Variants in TRAPPC9 observed in about 807,000 individuals in gnomAD.
TRAPPC9 encodes IKK2 binding protein.
TRAPPC9 carries 83 observed loss-of-function variants against 124.0 expected under a neutral mutation model. The ratio of observed to expected loss-of-function variants is 0.67; its 90% CI spans 0.56 to 0.80. TRAPPC9 has a LOEUF of 0.80. Among genes scored for constraint, TRAPPC9 ranks in the 30% least tolerant of loss-of-function variants. The pLI, the probability that TRAPPC9 is intolerant of heterozygous loss-of-function variation, is 0.00. For missense variants in TRAPPC9, 1,302 were observed against 1,508.3 expected, an observed-to-expected ratio of 0.86 and a Z score of 2.27; for synonymous variants, 638 against 617.5, an observed-to-expected ratio of 1.03 and a Z score of -0.49.
At chr8:140,019,911 T>C (rs1320506816) in intron 18 of TRAPPC9, among the ~76,000 whole-genome samples, 1 of 152,178 alleles carries the variant, frequency 6.6e-6, no homozygotes, top group Non-Finnish European at 1.5e-5. Flanking sequence ...TGGAGTGCAG[T>C]GGCACGATCG....
chr8:139,766,423 T>G (rs538892807), intron 21 of TRAPPC9, among the ~76,000 whole-genome samples: 1 of 152,228 alleles, frequency 6.6e-6, no homozygotes, highest in Admixed American at 6.5e-5. Context: ...ACCTCAACAG[T>G]TGGCACAGTG....
intron 17 of TRAPPC9, among the ~76,000 whole-genome samples, chr8:140,069,752 C>T (rs1443085185): frequency 2.0e-5 from 3 of 152,126 alleles, no homozygotes; most frequent in Non-Finnish European, 2.9e-5. Context: ...AGGTTCACCA[C>T]ACCAAGCCGC....
At chr8:140,381,386 G>A (rs1247733976) in intron 7 of TRAPPC9, among the ~76,000 whole-genome samples, 1 of 152,066 alleles carries the variant, frequency 6.6e-6, no homozygotes, top group Non-Finnish European at 1.5e-5. Flanking sequence ...TGACAAAGAG[G>A]ACCAGGCGCA....
intron 17 of TRAPPC9, among the ~76,000 whole-genome samples, chr8:140,183,479 C>T (rs1428459954): frequency 6.6e-6 from 1 of 152,190 alleles, no homozygotes; most frequent in Non-Finnish European, 1.5e-5. Context: ...CACACAGCAG[C>T]TCTGAGAGTT....
chr8:139,820,213 C>T (rs1318286092), intron 21 of TRAPPC9, among the ~76,000 whole-genome samples: 1 of 151,976 alleles, frequency 6.6e-6, no homozygotes, highest in Non-Finnish European at 1.5e-5. Context: ...TGGAGTCTTA[C>T]TTTGCCACCC....
intron 14 of TRAPPC9, among the ~76,000 whole-genome samples, chr8:140,278,182 C>T (rs1236830379): frequency 6.6e-6 from 1 of 152,120 alleles, no homozygotes; most frequent in Non-Finnish European, 1.5e-5. Flanking sequence ...CCACTCACTG[C>T]AACCTCTGCC....
At chr8:140,015,203 G>A (rs1839385686) in intron 18 of TRAPPC9, among the ~76,000 whole-genome samples, 2 of 152,126 alleles carry the variant, frequency 1.3e-5, no homozygotes, top group African/African-American at 2.4e-5. Flanking sequence ...CATTGTCCAT[G>A]CTGCAGTGGC....
chr8:140,012,004 G>A (rs915321104), intron 18 of TRAPPC9, among the ~76,000 whole-genome samples: 3 of 152,054 alleles, frequency 2.0e-5, no homozygotes, highest in African/African-American at 7.2e-5. Flanking sequence ...TAGAGATGGG[G>A]TTTCACTATG....
chr8:139,876,469 G>A (rs538719873), intron 21 of TRAPPC9, among the ~76,000 whole-genome samples: 1 of 152,272 alleles, frequency 6.6e-6, no homozygotes, highest in South Asian at 2.1e-4. Context: ...TCTGTCTCTC[G>A]CCTCTGCTTC....
At chr8:140,081,754 G>A (rs1843835055) in intron 17 of TRAPPC9, among the ~76,000 whole-genome samples, 1 of 152,136 alleles carries the variant, frequency 6.6e-6, no homozygotes, top group Admixed American at 6.5e-5. Context: ...TTGGGGCGGG[G>A]ACCAGAAAAA....
intron 18 of TRAPPC9, among the ~76,000 whole-genome samples, chr8:139,996,157 G>GAAAAAA (rs1587444987): frequency 7.5e-5 from 1 of 13,404 alleles, no homozygotes; most frequent in Non-Finnish European, 1.4e-4. Flanking sequence ...AAAAACTTAA[G>GAAAAAA]CAAAAAAAAA....
At chr8:139,960,028 C>T (rs1835275303) in intron 19 of TRAPPC9, among the ~76,000 whole-genome samples, 1 of 152,214 alleles carries the variant, frequency 6.6e-6, no homozygotes, top group Non-Finnish European at 1.5e-5. Context: ...TGAGCAGACA[C>T]TTTATAGAGA....
At chr8:140,082,303 A>G (rs545052222) in intron 17 of TRAPPC9, 23 of 152,174 alleles carry the variant, frequency 1.5e-4, no homozygotes, top group African/African-American at 4.3e-4. Context: ...ATAACATTAG[A>G]CAGCAATGTG....
At chr8:140,273,619 T>C (rs976918669) in intron 15 of TRAPPC9, among the ~76,000 whole-genome samples, 11 of 152,132 alleles carry the variant, frequency 7.2e-5, no homozygotes, top group Non-Finnish European at 1.2e-4. Flanking sequence ...ACAGAAAAGG[T>C]AACCCCTCGG....
chr8:140,227,413 G>A (rs2063479918), intron 16 of TRAPPC9, among the ~76,000 whole-genome samples: 1 of 152,140 alleles, frequency 6.6e-6, no homozygotes. Flanking sequence ...GGACTAAAGA[G>A]TTTAGTGGAT....
intron 17 of TRAPPC9, among the ~76,000 whole-genome samples, chr8:140,041,546 C>T (rs536236691): frequency 3.3e-5 from 5 of 152,384 alleles, no homozygotes; most frequent in African/African-American, 1.2e-4. Context: ...AAGGCCAAGG[C>T]CTGTGTTCCA....
At chr8:140,235,935 G>T (rs148841172) in intron 16 of TRAPPC9, among the ~76,000 whole-genome samples, 2,225 of 152,232 alleles carry the variant, frequency 0.015, 25 homozygotes, top group Non-Finnish European at 0.023. Flanking sequence ...CAATATGCAT[G>T]CATCTCAGAT....
At chr8:139,797,855 G>C (rs1480141712) in intron 21 of TRAPPC9, among the ~76,000 whole-genome samples, 6 of 152,196 alleles carry the variant, frequency 3.9e-5, no homozygotes, top group Non-Finnish European at 8.8e-5. Context: ...CTGTTGATCT[G>C]TACGTCCATC....
At position 140,435,273 on chromosome 8, in the gene TRAPPC9, GAAAACAAAA is replaced by G. The variant is rs758414761; in HGVS notation, c.731-42_731-34del. The stretch of plus-strand genomic sequence containing the variant: ...TTAAGAAAACAAAAAACAAAAACCA[GAAAACAAAA>G]AACAAAAACCAGCATCATTAGTCAA... On this transcript the variant is annotated intron_variant, in intron 3 of 22. Coordinates refer to ENST00000438773, the MANE Select transcript of TRAPPC9 (RefSeq NM_001160372.4). The G allele has an allele frequency of 3.3e-6, 5 of 1,519,586 alleles. No homozygotes were observed. In the East Asian group the frequency reaches 1.2e-4, roughly 36 times the overall value. The allele number at this position is 1,519,586 out of a possible 1,614,324, so 94.1% of individuals were successfully genotyped here. A position where few individuals can be genotyped will look rare whatever the true frequency, so the allele number is the denominator to read the frequency against.
Sources: gnomAD v4.1 joint callset for allele counts (sites outside exome capture counted in the v4.1 genomes callset) on GRCh38, gnomAD v4.1.1 for gene constraint, MANE v1.5 for transcripts, NCBI Gene and HGNC (gene_info 2026-07-23, HGNC 2026-07-21) for gene names.